ARHGEF3: variants seen among roughly 807,000 people sequenced by gnomAD.
ARHGEF3 encodes Rho guanine nucleotide exchange factor 3.
A neutral mutation model predicts 63.2 loss-of-function variants in ARHGEF3; 28 were observed. That is an observed-to-expected ratio of 0.44 (90% CI 0.33 to 0.61). The LOEUF (loss-of-function observed/expected upper bound fraction) is 0.61, where lower values mean the gene tolerates loss of function less well. Ranked by LOEUF, ARHGEF3 falls within the 20% of genes least tolerant of loss-of-function variation. The probability of loss-of-function intolerance (pLI) is 0.03; values close to 1 mark genes in which losing one functional copy is unlikely to be tolerated. For synonymous variants in ARHGEF3, 266 were observed against 254.2 expected, an observed-to-expected ratio of 1.05 and a Z score of -0.44; for missense variants, 533 against 659.3, an observed-to-expected ratio of 0.81 and a Z score of 2.10.
intron 1 of ARHGEF3, among the ~76,000 whole-genome samples, chr3:57,047,423 C>T (rs1161914123): frequency 6.6e-6 from 1 of 151,572 alleles, no homozygotes; most frequent in Non-Finnish European, 1.5e-5. Context: ...CAAAGTGAAA[C>T]TATTGGGACT....
chr3:56,905,450 T>A (rs986694518), intron 3 of ARHGEF3, among the ~76,000 whole-genome samples: 2 of 152,258 alleles, frequency 1.3e-5, no homozygotes, highest in East Asian at 1.9e-4. Flanking sequence ...ATTACATTTT[T>A]AAAATGTGCA....
chr3:56,858,619 A>C (rs999552193), intron 4 of ARHGEF3, among the ~76,000 whole-genome samples: 2 of 152,232 alleles, frequency 1.3e-5, no homozygotes, highest in African/African-American at 4.8e-5. Flanking sequence ...ACTTGCGGGG[A>C]GGGCAAGGCC....
Position 56,974,366 on chromosome 3 carries a change from G to A in ARHGEF3, c.63-15477C>T, listed in dbSNP as rs114156891. 4.4e-3 allele frequency among the ~76,000 whole-genome samples: 667 copies of A among 152,048 alleles called. 6 individuals are homozygous for A. Among genetic ancestry groups the A allele is most frequent in the African/African-American group, 0.015 (636 of 41,460 alleles). ...AAGAAACTAAAATTAATACTACTTG[G>A]TATTTCTTCAGCATACACACACAAA... On this transcript the variant is annotated intron_variant, in intron 2 of 12. Transcript: ENST00000338458.
chr3:56,945,135 G>T (rs1290022198), intron 3 of ARHGEF3, among the ~76,000 whole-genome samples: 1 of 152,086 alleles, frequency 6.6e-6, no homozygotes, highest in Non-Finnish European at 1.5e-5. Flanking sequence ...AATTGCCAGG[G>T]GTGGAGCCAA....
At chr3:56,928,643 C>T (rs770382942) in intron 3 of ARHGEF3, among the ~76,000 whole-genome samples, 1 of 152,098 alleles carries the variant, frequency 6.6e-6, no homozygotes, top group Non-Finnish European at 1.5e-5. Context: ...AGCCTTTGCC[C>T]AAATCTCTCT....
At chr3:56,915,024 TA>T (rs200217838) in intron 3 of ARHGEF3, among the ~76,000 whole-genome samples, 5 of 151,362 alleles carry the variant, frequency 3.3e-5, no homozygotes, top group African/African-American at 4.9e-5. Context: ...TTTACCACAA[TA>T]AAAAAAATTG....
chr3:56,949,817 T>G (rs1310258791), intron 3 of ARHGEF3, among the ~76,000 whole-genome samples: 1 of 152,048 alleles, frequency 6.6e-6, no homozygotes, highest in Non-Finnish European at 1.5e-5. Context: ...GAGCCTGCAT[T>G]GCCAAGTCAA....
In ARHGEF3 at chr3:56,729,363, A is replaced by G. The variant is rs760044987; in HGVS notation, c.1488T>C (p.Ser496=). Residue 496 remains serine (S), a synonymous_variant, in exon 10 of 10, where the codon AGT becomes AGC. Transcript: ENST00000296315. The stretch of plus-strand genomic sequence containing the variant: ...CGAGGCTGACCTCACTCGTGTCCAT[A>G]CTACAGTCTGACTCACTGTCCGATT... ...MDQSDSESDC[S]MDTSEVSLDC... 1.2e-6 allele frequency: 2 copies of G among 1,613,896 alleles called. No homozygotes were observed. The highest frequency in any genetic ancestry group is 4.5e-5 in the East Asian group (2 of 44,886).
chr3:56,728,377 T>C lies in ARHGEF3; in HGVS notation c.*893A>G, dbSNP rs889560506. Reference sequence around the variant, plus strand: ...GTGTTTCTATAAACAGTGTCATCGATAGAGTCATGGTCTCTCTTCCTTGTT... The same window carrying C: ...GTGTTTCTATAAACAGTGTCATCGACAGAGTCATGGTCTCTCTTCCTTGTT... On this transcript the variant is annotated 3_prime_UTR_variant, in exon 10 of 10. Coordinates refer to ENST00000296315, the MANE Select transcript of ARHGEF3 (RefSeq NM_019555.3). The C allele has an allele frequency of 6.6e-6, 1 of 152,666 alleles. No homozygotes were observed. Among genetic ancestry groups the C allele is most frequent in the African/African-American group, 2.4e-5 (1 of 41,456 alleles). 9.5% of individuals were successfully genotyped at this position (152,666 alleles called of 1,614,324 possible). A position where few individuals can be genotyped will look rare whatever the true frequency, so the allele number is the denominator to read the frequency against.
chr3:56,921,064 A>AG, intron 3 of ARHGEF3, among the ~76,000 whole-genome samples: 1 of 150,734 alleles, frequency 6.6e-6, no homozygotes, highest in African/African-American at 2.4e-5. Context: ...CAAAAAAAAA[A>AG]AAAAAAAAAA....
intron 3 of ARHGEF3, among the ~76,000 whole-genome samples, chr3:56,941,607 G>T (rs530671512): frequency 1.3e-5 from 2 of 152,258 alleles, no homozygotes; most frequent in East Asian, 3.9e-4. Context: ...TGTGGAAGGA[G>T]TTCTTTTTTA....
intron 2 of ARHGEF3, among the ~76,000 whole-genome samples, chr3:56,759,542 G>GT (rs1204767138): frequency 2.0e-5 from 3 of 151,276 alleles, no homozygotes; most frequent in African/African-American, 4.9e-5. Flanking sequence ...TTTCGTTGTT[G>GT]TTTTTTTGGA....
rs116510002 is a variant in ARHGEF3, at chr3:56,897,340, T to C, written c.130-14986A>G. On this transcript the variant is annotated intron_variant, in intron 3 of 12. Coordinates refer to the ARHGEF3 transcript ENST00000338458. ...AAAGATGTTCCAAGATCTTCCTATA[T>C]TCTCCCTGCCCCAGTCCTGGAATCA... Among the ~76,000 whole-genome samples the C allele has an allele frequency of 3.7e-3, 562 of 152,260 alleles. 2 individuals are homozygous for C. The highest frequency in any genetic ancestry group is 6.1e-3 in the Non-Finnish European group (415 of 68,002).
chr3:56,901,548 G>T (rs2041510142), intron 3 of ARHGEF3, among the ~76,000 whole-genome samples: 1 of 151,100 alleles, frequency 6.6e-6, no homozygotes, highest in Non-Finnish European at 1.5e-5. Context: ...CTCCTGGGGG[G>T]AATACAGGGC....
At chr3:56,918,560 G>T (rs2042043327) in intron 3 of ARHGEF3, among the ~76,000 whole-genome samples, 1 of 45,436 alleles carries the variant, frequency 2.2e-5, no homozygotes, top group South Asian at 1.2e-3. Context: ...TGCCCTGGCA[G>T]GGGAAAGGGA....
intron 4 of ARHGEF3, among the ~76,000 whole-genome samples, chr3:56,880,506 G>GA (rs1414995684): frequency 6.6e-6 from 1 of 152,054 alleles, no homozygotes; most frequent in Non-Finnish European, 1.5e-5. Context: ...ATGCTTTCCT[G>GA]AAAAATGGAT....
At chr3:56,977,049 G>A (rs1388585399) in intron 2 of ARHGEF3, among the ~76,000 whole-genome samples, 1 of 151,968 alleles carries the variant, frequency 6.6e-6, no homozygotes. Context: ...ATCCTCACAG[G>A]GGCCCTGTGG....
At chr3:56,920,048 A>G (rs907524906) in intron 3 of ARHGEF3, among the ~76,000 whole-genome samples, 5 of 152,234 alleles carry the variant, frequency 3.3e-5, no homozygotes, top group Admixed American at 1.3e-4. Flanking sequence ...CTTGGAATGA[A>G]AAGCCTCATT....
chr3:56,824,648 G>A (rs1290061487), intron 4 of ARHGEF3, among the ~76,000 whole-genome samples: 1 of 152,184 alleles, frequency 6.6e-6, no homozygotes, highest in South Asian at 2.1e-4. Context: ...TGTTTTTGAA[G>A]ATTATTGGCA....
Sources: gnomAD v4.1 joint callset for allele counts (sites outside exome capture counted in the v4.1 genomes callset) on GRCh38, gnomAD v4.1.1 for gene constraint, MANE v1.5 for transcripts, NCBI Gene and HGNC (gene_info 2026-07-23, HGNC 2026-07-21) for gene names.